Variants in TACC3 observed in about 807,000 individuals in gnomAD.
TACC3 encodes the protein transforming acidic coiled-coil containing protein 3.
TACC3 carries 52 observed loss-of-function variants against 86.0 expected under a neutral mutation model. The ratio of observed to expected loss-of-function variants is 0.60; its 90% CI spans 0.48 to 0.76. The LOEUF is 0.76. Among genes scored for constraint, TACC3 ranks in the 30% least tolerant of loss-of-function variants. The probability of loss-of-function intolerance (pLI) is 0.00; values close to 1 mark genes in which losing one functional copy is unlikely to be tolerated. For synonymous variants in TACC3, 512 were observed against 430.0 expected, an observed-to-expected ratio of 1.19 and a Z score of -2.36; for missense variants, 1,120 against 1,070.4, an observed-to-expected ratio of 1.05 and a Z score of -0.65.
At position 1,728,050 on chromosome 4, in the gene TACC3, T is replaced by C. The variant is rs1440335144; in HGVS notation, c.648T>C (p.Thr216=). ...CAGAGTCCCAGCACAAAGCGGAGACTCCGCACGGAGCCGAGGAAGAATGCA... is the reference window on the plus strand; with the variant it reads ...CAGAGTCCCAGCACAAAGCGGAGACCCCGCACGGAGCCGAGGAAGAATGCA... ...CRTESQHKAE[T]PHGAEEECKA... is the part of the protein sequence containing the mutation. Residue 216 remains threonine, a synonymous_variant, in exon 4 of 16, where the codon ACT becomes ACC. Coordinates refer to ENST00000313288, the MANE Select transcript of TACC3 (RefSeq NM_006342.3). 6.5e-7 allele frequency: 1 copy of C among 1,542,424 alleles called. No homozygotes were observed. Among genetic ancestry groups the C allele is most frequent in the Non-Finnish European group, 8.8e-7 (1 of 1,141,594 alleles).
In TACC3 at chr4:1,723,572, A is replaced by G; in HGVS notation, c.151A>G (p.Lys51Glu). 1 of 1,613,228 alleles carries G rather than the reference A, an allele frequency of 6.2e-7. No homozygotes were observed. The highest frequency in any genetic ancestry group is 8.5e-7 in the Non-Finnish European group (1 of 1,179,668). Reference sequence around the variant, plus strand: ...AAATGTGCCACCCAAGAACCTGGCCAAAGCTATGAAGGTAAGTGTGACCTG... The same window carrying G: ...AAATGTGCCACCCAAGAACCTGGCCGAAGCTATGAAGGTAAGTGTGACCTG... ...KENVPPKNLA[K>E]AMKVTFQTPL... Residue 51 changes from lysine (K) to glutamate (E), a missense_variant, in exon 2 of 16, where the codon AAA (lysine) becomes GAA (glutamate). Transcript: ENST00000313288.
intron 4 of TACC3, among the ~76,000 whole-genome samples, chr4:1,729,278 C>T (rs1358480957): frequency 6.6e-6 from 1 of 152,120 alleles, no homozygotes; most frequent in Non-Finnish European, 1.5e-5. Context: ...GGGTCCAGCC[C>T]TACTGGGTCT....
intron 13 of TACC3, chr4:1,741,898 C>G (rs556396775): frequency 1.3e-5 from 2 of 152,302 alleles, no homozygotes; most frequent in East Asian, 1.9e-4. Flanking sequence ...ACAGAATAAC[C>G]AAGTGTGAAA....
intron 2 of TACC3, 21 bp from the exon 3 acceptor site, chr4:1,723,707 C>G (rs758420884): frequency 1.2e-6 from 2 of 1,613,474 alleles, no homozygotes; most frequent in Admixed American, 1.7e-5. Flanking sequence ...AATAGGTGCT[C>G]TCCTCCTCAC....
chr4:1,723,866 G>A lies in TACC3; in HGVS notation c.301G>A (p.Glu101Lys). ...CTCACACCCGGTCTGGACACAGAAA[G>A]AGAAGTAAGTGTTGGTGCTGCTGGA... ...ENSHPVWTQKENQQLIKEVDA... is the reference protein window; with the variant it reads ...ENSHPVWTQKKNQQLIKEVDA... The change falls in exon 3 of 16, where the codon GAG becomes AAG. Residue 101 changes from glutamate to lysine, a missense_variant. Physicochemically the swap from Glu to Lys is moderately conservative, Grantham distance 56. Transcript: ENST00000313288. 6.2e-7 allele frequency: 1 copy of A among 1,613,244 alleles called. No individual in the cohort carries two copies. The highest frequency in any genetic ancestry group is 8.5e-7 in the Non-Finnish European group (1 of 1,179,928).
intron 8 of TACC3, 44 bp from the exon 9 acceptor site, chr4:1,737,197 A>C (rs375361717): frequency 1.3e-6 from 2 of 1,531,334 alleles, no homozygotes; most frequent in African/African-American, 1.4e-5. Context: ...CCTACTCAAC[A>C]CTGGGAGGGC....
At chr4:1,743,467 C>T (rs1462918539) in intron 13 of TACC3, among the ~76,000 whole-genome samples, 3 of 151,958 alleles carry the variant, frequency 2.0e-5, no homozygotes, top group Non-Finnish European at 4.4e-5. Flanking sequence ...GCAGGAGAAT[C>T]GCTTGAATCC....
At chr4:1,726,027 G>A (rs1175375943) in intron 3 of TACC3, among the ~76,000 whole-genome samples, 2 of 152,230 alleles carry the variant, frequency 1.3e-5, no homozygotes, top group Non-Finnish European at 2.9e-5. Context: ...TGAGGCACTG[G>A]CACATGACCC....
rs1390947223 is a variant in TACC3 at position 1,728,236 on chromosome 4, T to C, written c.834T>C (p.Gly278=). 2.5e-6 allele frequency: 4 copies of C among 1,612,148 alleles called. No individual in the cohort carries two copies. In the African/African-American group the frequency reaches 5.3e-5, roughly 22 times the overall value. The change falls in exon 4 of 16, where the codon GGT becomes GGC. Residue 278 remains glycine, a synonymous_variant. Transcript: ENST00000313288. ...LPGEALGCPA[G]VGTPVPADGT... Reference sequence around the variant, plus strand: ...GCGAAGCCCTGGGCTGCCCTGCGGGTGTGGGCACCCCCGTGCCAGCAGATG... The same window carrying C: ...GCGAAGCCCTGGGCTGCCCTGCGGGCGTGGGCACCCCCGTGCCAGCAGATG...
upstream of TACC3, chr4:1,720,820 C>T (rs1480958561): frequency 1.3e-6 from 2 of 1,588,176 alleles, no homozygotes; most frequent in Non-Finnish European, 1.7e-6. This position sits in a 1 kb window ranked among gnomAD's most constrained non-coding sequence, Gnocchi z 4.4. Context: ...GAGTGAAGGT[C>T]ACCTCGGGGC....
intron 6 of TACC3, among the ~76,000 whole-genome samples, chr4:1,733,988 A>AC (rs1683877788): frequency 1.3e-5 from 2 of 151,696 alleles, no homozygotes; most frequent in African/African-American, 4.8e-5. Flanking sequence ...AAAAAAAAAA[A>AC]AAGAAAAGAA....
intron 3 of TACC3, among the ~76,000 whole-genome samples, chr4:1,727,046 G>T (rs981978804): frequency 6.6e-5 from 10 of 151,880 alleles, no homozygotes; most frequent in African/African-American, 2.4e-4. Context: ...CAGGAGAATC[G>T]CTTGAACCCC....
At chr4:1,728,893 C>A (rs1560302078) in intron 4 of TACC3, 106 bp downstream of exon 4, 5 of 1,170,382 alleles carry the variant, frequency 4.3e-6, no homozygotes, top group East Asian at 2.5e-5. Flanking sequence ...CCTTTGAGGC[C>A]GGGTAGGTTC....
intron 6 of TACC3, among the ~76,000 whole-genome samples, chr4:1,733,008 G>A (rs1490531971): frequency 2.0e-5 from 3 of 152,194 alleles, no homozygotes; most frequent in Admixed American, 2.0e-4. Context: ...GCTACCAGGT[G>A]GCCTTCCAGA....
At chr4:1,731,823 C>A (rs6827250) in intron 6 of TACC3, among the ~76,000 whole-genome samples, 2,241 of 152,294 alleles carry the variant, frequency 0.015, 51 homozygotes, top group African/African-American at 0.051. Context: ...TTAGTGGCAA[C>A]GGGGTTTCAC....
chr4:1,731,240 C>T lies in TACC3; in HGVS notation c.1530C>T (p.Thr510=). 1 of 1,613,402 alleles carries T rather than the reference C, an allele frequency of 6.2e-7. No homozygotes were observed. The highest frequency in any genetic ancestry group is 2.2e-5 in the East Asian group (1 of 44,894). ...GTCCAGGCAGTGAGCCAGTGCCCAC[C>T]CATCAGCAGGGGCAGCCTGCCTTGG... is the stretch of plus-strand genomic sequence containing the variant. The part of the protein sequence containing the change: ...TSCPGSEPVP[T]HQQGQPALEL... The change falls in exon 6 of 16, where the codon ACC becomes ACT. Residue 510 remains threonine, a synonymous_variant. Coordinates refer to ENST00000313288, the MANE Select transcript of TACC3 (RefSeq NM_006342.3).
At chr4:1,737,173 A>AT in intron 8 of TACC3, 68 bp from the exon 9 acceptor site, 1 of 1,314,118 alleles carries the variant, frequency 7.6e-7, no homozygotes, top group South Asian at 1.2e-5. Context: ...GCTTGTCCAC[A>AT]TGGTCCTCTG....
Position 1,738,760 on chromosome 4 carries a change from A to G in TACC3, c.1942-942A>G, listed in dbSNP as rs898567215. ...TGGCTAAGGTTGGACCACACAGTCT[A>G]AGCCAATTCCAATTGGCTATTTTAA... On this transcript the variant is annotated intron_variant, in intron 10 of 15. Transcript: ENST00000313288. Among the ~76,000 whole-genome samples the G allele has an allele frequency of 2.6e-5, 4 of 152,162 alleles. No individual in the cohort carries two copies. In the South Asian group the frequency reaches 8.3e-4, roughly 31 times the overall value.
At position 1,722,887 on chromosome 4, in the gene TACC3, G is replaced by C. The variant is rs560557206; in HGVS notation, c.-1-534G>C. ...GCATCGTCTCCCAGCTCCTCCTCTG[G>C]GCCTTCACCCTCTCAGCCTGGTCTT... On this transcript the variant is annotated intron_variant, in intron 1 of 15. Coordinates refer to ENST00000313288, the MANE Select transcript of TACC3 (RefSeq NM_006342.3). 1.1e-4 allele frequency among the ~76,000 whole-genome samples: 16 copies of C among 152,224 alleles called. No individual in the cohort carries two copies. In the East Asian group the frequency reaches 2.9e-3, roughly 28 times the overall value.
Sources: allele counts gnomAD v4.1 joint callset (sites outside exome capture counted in the v4.1 genomes callset), GRCh38; gene constraint gnomAD v4.1.1; non-coding constraint Gnocchi (gnomAD v3.1); transcripts MANE v1.5; gene names NCBI Gene and HGNC (gene_info 2026-07-23, HGNC 2026-07-21).